Variants in BRMS1L observed in about 807,000 individuals in gnomAD.
BRMS1L encodes BRMS1 like transcriptional repressor.
BRMS1L carries 23 observed loss-of-function variants against 50.3 expected under a neutral mutation model. The ratio of observed to expected loss-of-function variants is 0.46; its 90% CI spans 0.33 to 0.65. The LOEUF (loss-of-function observed/expected upper bound fraction) is 0.65. BRMS1L is among the 30% of genes least tolerant of loss of function. The pLI, the probability that BRMS1L is intolerant of heterozygous loss-of-function variation, is 0.02. For synonymous variants in BRMS1L, 114 were observed against 126.9 expected (o/e 0.90, Z 0.69); for missense variants, 286 against 386.1 (o/e 0.74, Z 2.17).
At chr14:35,862,897 A>T (rs1428268421) in intron 5 of BRMS1L, among the ~76,000 whole-genome samples, 1 of 152,232 alleles carries the variant, frequency 6.6e-6, no homozygotes, top group Non-Finnish European at 1.5e-5. Context: ...AATGGAGCAC[A>T]CGACAAGGGA....
At position 35,864,783 on chromosome 14, in the gene BRMS1L, C is replaced by T. The variant is rs1437937616; in HGVS notation, c.623-152C>T. On this transcript the variant is annotated intron_variant, in intron 6 of 9. Transcript: ENST00000216807. ...GTACTAGACTGTATTTATGCTGGTA[C>T]TAAGTGGTTTGAAGAATAATTTGAA... 6 of 594,138 alleles carry T rather than the reference C, an allele frequency of 1.0e-5. No individual in the cohort carries two copies. The Admixed American group carries it at 1.1e-4, about 11-fold the overall frequency. 36.8% of individuals were successfully genotyped at this position (594,138 alleles called of 1,614,324 possible). A position where few individuals can be genotyped will look rare whatever the true frequency, so the allele number is the denominator to read the frequency against.
intron 4 of BRMS1L, among the ~76,000 whole-genome samples, chr14:35,859,501 G>T (rs2078323075): frequency 6.6e-6 from 1 of 152,092 alleles, no homozygotes; most frequent in Admixed American, 6.5e-5. Context: ...CTTTGTACAT[G>T]ACCTGTTTTC....
rs916849955 is a variant in BRMS1L, at chr14:35,870,625, T to C, written c.*148T>C. 2 of 461,484 alleles carry C rather than the reference T, an allele frequency of 4.3e-6. No homozygotes were observed. Among genetic ancestry groups the C allele is most frequent in the Non-Finnish European group, 4.0e-6 (1 of 252,444 alleles). The allele number at this position is 461,484 out of a possible 1,614,324, so 28.6% of individuals were successfully genotyped here. A position where few individuals can be genotyped will look rare whatever the true frequency, so the allele number is the denominator to read the frequency against. On this transcript the variant is annotated 3_prime_UTR_variant, in exon 10 of 10. Transcript: ENST00000216807. ...TAGGTAGTACTCTAAATAGATCTCATTGATATGTTATTAAAAGAAACAGTA... is the reference window on the plus strand; with the variant it reads ...TAGGTAGTACTCTAAATAGATCTCACTGATATGTTATTAAAAGAAACAGTA...
At chr14:35,831,324 A>G in intron 1 of BRMS1L, 86 bp from the exon 2 acceptor site, 1 of 898,426 alleles carries the variant, frequency 1.1e-6, no homozygotes, top group Non-Finnish European at 1.8e-6. Flanking sequence ...TTTTCTTCCT[A>G]TTTGAATTAC....
intron 4 of BRMS1L, among the ~76,000 whole-genome samples, chr14:35,844,206 C>T (rs913256619): frequency 3.3e-5 from 5 of 152,138 alleles, no homozygotes; most frequent in African/African-American, 7.2e-5. Context: ...GGTTCTTTCT[C>T]GCTGGTGTTC....
At chr14:35,835,224 T>C (rs1481011256) in intron 4 of BRMS1L, among the ~76,000 whole-genome samples, 2 of 152,198 alleles carry the variant, frequency 1.3e-5, no homozygotes, top group Admixed American at 1.3e-4. Flanking sequence ...ATAATTAGTA[T>C]AATGTGGATT....
chr14:35,846,394 TAA>T (rs556829031), intron 4 of BRMS1L, among the ~76,000 whole-genome samples: 23 of 121,618 alleles, frequency 1.9e-4, no homozygotes, highest in East Asian at 2.3e-4. Flanking sequence ...AGATCCTGTC[TAA>T]AAAAAAAAAA....
At chr14:35,854,036 A>G (rs2078247836) in intron 4 of BRMS1L, among the ~76,000 whole-genome samples, 1 of 152,180 alleles carries the variant, frequency 6.6e-6, no homozygotes, top group Non-Finnish European at 1.5e-5. Flanking sequence ...CCAAATTATA[A>G]TACAAGTTAT....
At chr14:35,839,772 C>G (rs966639132) in intron 4 of BRMS1L, among the ~76,000 whole-genome samples, 2 of 152,192 alleles carry the variant, frequency 1.3e-5, no homozygotes, top group African/African-American at 4.8e-5. Context: ...AGATTTTGGG[C>G]TGAGACGATG....
chr14:35,839,296 A>G (rs542203816), intron 4 of BRMS1L, among the ~76,000 whole-genome samples: 1 of 152,312 alleles, frequency 6.6e-6, no homozygotes, highest in Non-Finnish European at 1.5e-5. Context: ...GTTTGAAGTC[A>G]GGTAGGATGA....
chr14:35,864,240 A>G (rs576659187), intron 6 of BRMS1L, among the ~76,000 whole-genome samples: 1 of 152,258 alleles, frequency 6.6e-6, no homozygotes, highest in East Asian at 1.9e-4. Context: ...AGTATACAGT[A>G]TGATTGTTTA....
At chr14:35,867,245 T>C (rs2078433448) in intron 8 of BRMS1L, among the ~76,000 whole-genome samples, 1 of 152,216 alleles carries the variant, frequency 6.6e-6, no homozygotes, top group African/African-American at 2.4e-5. Flanking sequence ...TTACAGATTA[T>C]AATAATTACT....
intron 5 of BRMS1L, among the ~76,000 whole-genome samples, chr14:35,863,136 A>G (rs954247588): frequency 1.3e-5 from 2 of 152,196 alleles, no homozygotes; most frequent in Non-Finnish European, 2.9e-5. Context: ...AATTAGCTAT[A>G]GTATATGTTT....
chr14:35,837,643 C>T (rs141931586), intron 4 of BRMS1L, among the ~76,000 whole-genome samples: 83 of 152,108 alleles, frequency 5.5e-4, no homozygotes, highest in Middle Eastern at 6.8e-3. Context: ...CTCTGCCTCC[C>T]GAGTTCAAGC....
intron 9 of BRMS1L, among the ~76,000 whole-genome samples, chr14:35,870,021 A>G (rs1381793405): frequency 2.0e-5 from 3 of 151,938 alleles, no homozygotes. Context: ...ATGAGTTACA[A>G]GTATAATACC....
At chr14:35,866,023 T>G (rs953194430) in intron 8 of BRMS1L, 1 of 382,740 alleles carries the variant, frequency 2.6e-6, no homozygotes, top group Non-Finnish European at 4.6e-6. Flanking sequence ...ATTTATGCAG[T>G]GTTTTTTATG....
rs776032501 is a variant in BRMS1L, at chr14:35,862,547, AT to A, written c.442-36del. Reference sequence around the variant, plus strand: ...TGGTACTCTTAGTTAAGATACACCAATTTTTTTCTTTCTACTTAAGTATAAT... The same window carrying A: ...TGGTACTCTTAGTTAAGATACACCAATTTTTTCTTTCTACTTAAGTATAAT... On this transcript the variant is annotated intron_variant, in intron 4 of 9. Coordinates refer to ENST00000216807, the MANE Select transcript of BRMS1L (RefSeq NM_032352.4). 15 of 1,402,998 alleles carry A rather than the reference AT, an allele frequency of 1.1e-5. No individual in the cohort carries two copies. In the African/African-American group the frequency reaches 1.7e-4, roughly 16 times the overall value. 86.9% of individuals were successfully genotyped at this position (1,402,998 alleles called of 1,614,324 possible). A position where few individuals can be genotyped will look rare whatever the true frequency, so the allele number is the denominator to read the frequency against.
chr14:35,864,243 A>T (rs539344977), intron 6 of BRMS1L, among the ~76,000 whole-genome samples: 2 of 152,114 alleles, frequency 1.3e-5, no homozygotes, highest in African/African-American at 4.8e-5. Context: ...ATACAGTATG[A>T]TTGTTTAATT....
rs1345720399 is a variant in BRMS1L at position 35,826,357 on chromosome 14, C to G, written c.-160C>G. ...AATGGCAGAGCTCCCATCGCAGAGC[C>G]TGCGGGTTAGGTTGTGAGGCCCGGG... On this transcript the variant is annotated 5_prime_UTR_variant, in exon 1 of 10. Transcript: ENST00000216807. The G allele has an allele frequency of 9.3e-7, 1 of 1,075,286 alleles. No individual in the cohort carries two copies. The highest frequency in any genetic ancestry group is 2.6e-5 in the East Asian group (1 of 38,468). The allele number at this position is 1,075,286 out of a possible 1,614,324, so 66.6% of individuals were successfully genotyped here.
Sources: gnomAD v4.1 joint callset for allele counts (sites outside exome capture counted in the v4.1 genomes callset) on GRCh38, gnomAD v4.1.1 for gene constraint, MANE v1.5 for transcripts, NCBI Gene and HGNC (gene_info 2026-07-23, HGNC 2026-07-21) for gene names.